MYO18B: variants seen among roughly 807,000 people sequenced by gnomAD.
MYO18B encodes myosin XVIIIB, also known as unconventional myosin-XVIIIb.
In MYO18B, 204 loss-of-function variants were observed where a neutral mutation model predicts 273.0. The ratio of observed to expected loss-of-function variants is 0.75; its 90% CI spans 0.67 to 0.84. The LOEUF (loss-of-function observed/expected upper bound fraction) is 0.84, where lower values mean the gene tolerates loss of function less well. Among genes scored for constraint, MYO18B ranks in the 40% least tolerant of loss-of-function variants. The pLI is 0.00. For missense variants in MYO18B, 3,212 were observed against 3,287.6 expected (o/e 0.98, Z 0.56); for synonymous variants, 1,330 against 1,305.7 (o/e 1.02, Z -0.40).
chr22:25,777,295 A>G (rs184752578), intron 7 of MYO18B, among the ~76,000 whole-genome samples: 1 of 152,306 alleles, frequency 6.6e-6, no homozygotes, highest in East Asian at 1.9e-4. Flanking sequence ...AACCAGTGAG[A>G]TGAATCTCAT....
At position 25,992,090 on chromosome 22, in the gene MYO18B, T is replaced by C. The variant is rs541088870; in HGVS notation, c.6157-273T>C. On this transcript the variant is annotated intron_variant, in intron 39 of 43. Transcript: ENST00000335473. Reference sequence around the variant, plus strand: ...GCAGATTCAGAGCATGGCCCTGGGGTCAGATGCATTGGGAGCAGCACCCCC... The same window carrying C: ...GCAGATTCAGAGCATGGCCCTGGGGCCAGATGCATTGGGAGCAGCACCCCC... 3.3e-5 allele frequency among the ~76,000 whole-genome samples: 5 copies of C among 152,218 alleles called. No individual in the cohort carries two copies. In the South Asian group the frequency reaches 1.0e-3, roughly 32 times the overall value.
intron 39 of MYO18B, among the ~76,000 whole-genome samples, chr22:25,979,767 C>T (rs904575268): frequency 2.0e-5 from 3 of 152,044 alleles, no homozygotes; most frequent in South Asian, 2.1e-4. Flanking sequence ...GGTAGAGTTG[C>T]GTGCCTTGAA....
At chr22:25,959,901 C>T (rs548193582) in intron 39 of MYO18B, among the ~76,000 whole-genome samples, 60 of 152,312 alleles carry the variant, frequency 3.9e-4, no homozygotes, top group African/African-American at 1.4e-3. Flanking sequence ...AATGGCTCTG[C>T]TCTGGAGACC....
chr22:25,781,040 C>A (rs949076226), intron 9 of MYO18B, among the ~76,000 whole-genome samples: 1 of 152,150 alleles, frequency 6.6e-6, no homozygotes, highest in Non-Finnish European at 1.5e-5. Context: ...TCAAGGAAAA[C>A]CCCTTCATGC....
At chr22:25,974,200 C>A (rs761112538) in intron 39 of MYO18B, among the ~76,000 whole-genome samples, 5 of 152,142 alleles carry the variant, frequency 3.3e-5, no homozygotes. Flanking sequence ...ACAATTAGAC[C>A]CGCCAAATCT....
In MYO18B at chr22:25,844,089, C is replaced by G. The variant is rs116756589; in HGVS notation, c.3368+195C>G. 6.1e-3 allele frequency among the ~76,000 whole-genome samples: 928 copies of G among 152,292 alleles called. 15 individuals are homozygous for G. The highest frequency in any genetic ancestry group is 0.021 in the African/African-American group (886 of 41,560). On this transcript the variant is annotated intron_variant, in intron 18 of 43. Transcript: ENST00000335473. ...CTCCCTGGGGCCAGAGTGAATCCAG[C>G]TGAGGAGAAAAGCTGGCCTCCTGGG...
At position 25,796,149 on chromosome 22, in the gene MYO18B, T is replaced by G. The variant is rs150388812; in HGVS notation, c.2377-1804T>G. Among the ~76,000 whole-genome samples the G allele has an allele frequency of 3.6e-3, 550 of 152,294 alleles. 2 individuals carry two copies. The highest frequency in any genetic ancestry group is 0.012 in the African/African-American group (516 of 41,564). ...CCACCCAGCAGGCTTCTGGGCTGAGTGTCCTTGGCCAGATGGTGTGTGCAT... is the reference window on the plus strand; with the variant it reads ...CCACCCAGCAGGCTTCTGGGCTGAGGGTCCTTGGCCAGATGGTGTGTGCAT... On this transcript the variant is annotated intron_variant, in intron 11 of 43. Coordinates refer to ENST00000335473, the MANE Select transcript of MYO18B (RefSeq NM_032608.7).
intron 28 of MYO18B, chr22:25,895,505 T>C (rs2091777992): frequency 2.2e-6 from 1 of 456,832 alleles, no homozygotes; most frequent in Non-Finnish European, 3.9e-6. Flanking sequence ...TGCTCTGTGG[T>C]GTAAAGAACA....
intron 34 of MYO18B, among the ~76,000 whole-genome samples, chr22:25,930,582 T>C (rs1199131836): frequency 4.6e-5 from 7 of 150,958 alleles, no homozygotes; most frequent in Non-Finnish European, 1.0e-4. Flanking sequence ...GCAATCGCGG[T>C]TTACTACAGC....
intron 21 of MYO18B, among the ~76,000 whole-genome samples, chr22:25,867,963 C>T (rs2090938866): frequency 6.6e-6 from 1 of 152,158 alleles, no homozygotes; most frequent in South Asian, 2.1e-4. Flanking sequence ...TATGTATATA[C>T]ACACAAGTGG....
intron 34 of MYO18B, among the ~76,000 whole-genome samples, chr22:25,942,081 C>T (rs947153360): frequency 6.6e-5 from 10 of 152,236 alleles, no homozygotes; most frequent in African/African-American, 2.4e-4. Context: ...TGCATGTTTT[C>T]ATCCATGTAT....
chr22:25,866,783 TC>T (rs1372960783), intron 21 of MYO18B, among the ~76,000 whole-genome samples: 2 of 47,396 alleles, frequency 4.2e-5, no homozygotes, highest in South Asian at 7.3e-4. Context: ...AGACTCCGTC[TC>T]AAAAAAAAAA....
intron 33 of MYO18B, among the ~76,000 whole-genome samples, chr22:25,918,403 A>G (rs1236984861): frequency 1.3e-5 from 2 of 152,244 alleles, no homozygotes; most frequent in Non-Finnish European, 2.9e-5. Context: ...ACTAAACATC[A>G]TGTAGATTTA....
intron 14 of MYO18B, among the ~76,000 whole-genome samples, chr22:25,828,489 T>C (rs1448050346): frequency 2.0e-5 from 3 of 152,030 alleles, no homozygotes; most frequent in Non-Finnish European, 4.4e-5. Context: ...AGCCAACTTC[T>C]GGGTGACCTT....
chr22:25,999,645 C>T (rs977440747), intron 40 of MYO18B, among the ~76,000 whole-genome samples: 2 of 127,756 alleles, frequency 1.6e-5, no homozygotes, highest in Admixed American at 1.5e-4. Context: ...CCTCCTTTCT[C>T]CTCCTTCTCC....
At chr22:26,014,447 G>A (rs1935153450) in intron 42 of MYO18B, among the ~76,000 whole-genome samples, 1 of 152,268 alleles carries the variant, frequency 6.6e-6, no homozygotes, top group African/African-American at 2.4e-5. Context: ...CTCAGGGAAA[G>A]TGCCACATCA....
chr22:25,908,157 T>C (rs553728962), intron 31 of MYO18B, among the ~76,000 whole-genome samples, 165 bp from the exon 32 acceptor site: 1 of 152,324 alleles, frequency 6.6e-6, no homozygotes, highest in South Asian at 2.1e-4. Context: ...ATATTTAATC[T>C]ATTTACCCAC....
At chr22:25,913,335 C>T in intron 33 of MYO18B, among the ~76,000 whole-genome samples, 1 of 151,702 alleles carries the variant, frequency 6.6e-6, no homozygotes, top group Non-Finnish European at 1.5e-5. Context: ...GGATGCTGTG[C>T]ATTTTTCACA....
At chr22:26,055,569 G>A in the MYO18B span, among the ~76,000 whole-genome samples, 12 of 152,202 alleles carry the variant, frequency 7.9e-5, no homozygotes, top group Admixed American at 2.0e-4. Context: ...AAAAGCCATC[G>A]TGGAAAGTGG....
Sources: gnomAD v4.1 joint callset for allele counts (sites outside exome capture counted in the v4.1 genomes callset) on GRCh38, gnomAD v4.1.1 for gene constraint, MANE v1.5 for transcripts, NCBI Gene and HGNC (gene_info 2026-07-23, HGNC 2026-07-21) for gene names.